Variants in PRMT8 observed in about 807,000 individuals in gnomAD.
The protein encoded by PRMT8 is protein arginine N-methyltransferase 8.
A neutral mutation model predicts 47.1 loss-of-function variants in PRMT8; 7 were observed. The observed-to-expected ratio is 0.15, with a 90% confidence interval of 0.08 to 0.28. The LOEUF is 0.28. Among genes scored for constraint, PRMT8 ranks in the 10% least tolerant of loss-of-function variants. The pLI, the probability that PRMT8 is intolerant of heterozygous loss-of-function variation, is 1.00. For missense variants in PRMT8, 237 were observed against 505.4 expected, an observed-to-expected ratio of 0.47 and a Z score of 5.09; for synonymous variants, 188 against 186.5, an observed-to-expected ratio of 1.01 and a Z score of -0.07.
intron 1 of PRMT8, among the ~76,000 whole-genome samples, chr12:3,401,147 C>CAAAAAAA (rs34492092): frequency 1.7e-4 from 8 of 45,996 alleles, no homozygotes; most frequent in Non-Finnish European, 2.0e-4. Flanking sequence ...AACTCCATCT[C>CAAAAAAA]AAAAAAAAAA....
chr12:3,477,361 C>A (rs1045579438), intron 1 of PRMT8, among the ~76,000 whole-genome samples: 1 of 152,198 alleles, frequency 6.6e-6, no homozygotes, highest in Non-Finnish European at 1.5e-5. Context: ...CATGGCCTGT[C>A]CTTTGGAGCT....
intron 1 of PRMT8, among the ~76,000 whole-genome samples, chr12:3,471,385 G>A (rs1865161165): frequency 6.6e-6 from 1 of 152,090 alleles, no homozygotes; most frequent in Non-Finnish European, 1.5e-5. Context: ...GTTACTGTCA[G>A]CAATGGGGAT....
At chr12:3,592,170 C>G in intron 8 of PRMT8, 61 bp from the exon 9 acceptor site, 1 of 1,507,886 alleles carries the variant, frequency 6.6e-7, no homozygotes, top group Admixed American at 2.5e-5. Context: ...CCAGCCTCAT[C>G]CCTTTGGAGA....
chr12:3,516,319 A>T (rs965425079), intron 1 of PRMT8, among the ~76,000 whole-genome samples: 2 of 144,116 alleles, frequency 1.4e-5, no homozygotes, highest in Admixed American at 1.4e-4. Flanking sequence ...TAAGGGGTTC[A>T]TTCATTCATT....
At chr12:3,396,581 C>A (rs1382136719) in intron 1 of PRMT8, among the ~76,000 whole-genome samples, 1 of 152,250 alleles carries the variant, frequency 6.6e-6, no homozygotes, top group East Asian at 1.9e-4. Flanking sequence ...CCGAAAGATC[C>A]ACTGTTAGTC....
At chr12:3,505,173 A>T (rs1865600709) in intron 1 of PRMT8, among the ~76,000 whole-genome samples, 1 of 151,526 alleles carries the variant, frequency 6.6e-6, no homozygotes, top group Non-Finnish European at 1.5e-5. Flanking sequence ...TGCGTTGCTC[A>T]CGCTGGGAGC....
chr12:3,543,560 A>G (rs1565436610), intron 2 of PRMT8, among the ~76,000 whole-genome samples: 2 of 152,204 alleles, frequency 1.3e-5, no homozygotes, highest in Non-Finnish European at 2.9e-5. Context: ...AATAGCCATC[A>G]GTGAGTGTTG....
chr12:3,486,994 G>A (rs1056044793), upstream of PRMT8, among the ~76,000 whole-genome samples: 1 of 152,224 alleles, frequency 6.6e-6, no homozygotes, highest in Admixed American at 6.5e-5. Context: ...TTGGGCCTTG[G>A]GTTAGGGAGG....
At chr12:3,452,007 C>T (rs1177636045) in intron 1 of PRMT8, among the ~76,000 whole-genome samples, 2 of 152,154 alleles carry the variant, frequency 1.3e-5, no homozygotes, top group Non-Finnish European at 2.9e-5. Context: ...GGATGAAAAA[C>T]GCCTCCCATG....
At position 3,576,714 on chromosome 12, in the gene PRMT8, A is replaced by G. The variant is rs539450928; in HGVS notation, c.713-157A>G. Among the ~76,000 whole-genome samples, 43 of 152,274 alleles carry G rather than the reference A, an allele frequency of 2.8e-4. No individual in the cohort carries two copies. The highest frequency in any genetic ancestry group is 1.0e-3 in the African/African-American group (42 of 41,574). ...TGGGAGTGAGCATTTGGCACATTGCAAAGTGCCCCCAGGTGAGCAGTTCTG... is the reference window on the plus strand; with the variant it reads ...TGGGAGTGAGCATTTGGCACATTGCGAAGTGCCCCCAGGTGAGCAGTTCTG... On this transcript the variant is annotated intron_variant, in intron 6 of 9. Coordinates refer to ENST00000382622, the MANE Select transcript of PRMT8 (RefSeq NM_019854.5). The surrounding 1 kb of genome is among the most constrained non-coding windows in gnomAD (Gnocchi z 4.0).
chr12:3,408,153 CTCTTTCTTTCTT>C (rs540640606), intron 1 of PRMT8, among the ~76,000 whole-genome samples: 1 of 150,280 alleles, frequency 6.7e-6, no homozygotes, highest in Non-Finnish European at 1.5e-5. Flanking sequence ...CCCTCTCTTT[CTCTTTCTTTCTT>C]TCTTTCTTTC....
intron 1 of PRMT8, among the ~76,000 whole-genome samples, chr12:3,472,043 T>C (rs1865167515): frequency 6.6e-6 from 1 of 152,130 alleles, no homozygotes; most frequent in South Asian, 2.1e-4. Flanking sequence ...TTGAAAAGAT[T>C]CCCAAGGCTT....
At chr12:3,577,895 C>T (rs1304422299) in intron 7 of PRMT8, among the ~76,000 whole-genome samples, 2 of 152,176 alleles carry the variant, frequency 1.3e-5, no homozygotes, top group African/African-American at 4.8e-5. Context: ...AAAATTCAAA[C>T]ATGTCCAGTT....
At chr12:3,530,047 C>G (rs888960915) in intron 1 of PRMT8, among the ~76,000 whole-genome samples, 5 of 152,174 alleles carry the variant, frequency 3.3e-5, no homozygotes, top group African/African-American at 1.2e-4. Context: ...TGTTCTTCTC[C>G]TAGAAATCTC....
intron 4 of PRMT8, 117 bp downstream of exon 4, chr12:3,553,831 A>C (rs1591599400): frequency 3.1e-6 from 3 of 967,672 alleles, no homozygotes; most frequent in Non-Finnish European, 4.8e-6. Flanking sequence ...GAGGTGGTGC[A>C]CCCAGCTGAG....
chr12:3,398,416 A>G (rs1192463837), intron 1 of PRMT8, among the ~76,000 whole-genome samples: 1 of 152,220 alleles, frequency 6.6e-6, no homozygotes, highest in African/African-American at 2.4e-5. Context: ...GCTACAACAC[A>G]GCACTGTTTA....
chr12:3,578,233 T>TA (rs1866984919), intron 7 of PRMT8, among the ~76,000 whole-genome samples: 1 of 152,130 alleles, frequency 6.6e-6, no homozygotes, highest in Non-Finnish European at 1.5e-5. Context: ...ACAAGCTATT[T>TA]TTTTTTTGAG....
In PRMT8 at chr12:3,557,694, T is replaced by G. The variant is rs1237255220; in HGVS notation, c.481+3980T>G. Among the ~76,000 whole-genome samples, 1 of 152,144 alleles carries G rather than the reference T, an allele frequency of 6.6e-6. No homozygotes were observed. Among genetic ancestry groups the G allele is most frequent in the Non-Finnish European group, 1.5e-5 (1 of 68,010 alleles). On this transcript the variant is annotated intron_variant, in intron 4 of 9. Transcript: ENST00000382622. The surrounding 1 kb of genome is among the most constrained non-coding windows in gnomAD (Gnocchi z 4.7). ...CAACCTGTGAAATAGGGCAGATGGT[T>G]TTCCCCATTAACAGGTGTGGAAACT...
At chr12:3,475,597 A>G (rs1865204538) in intron 1 of PRMT8, among the ~76,000 whole-genome samples, 2 of 152,048 alleles carry the variant, frequency 1.3e-5, no homozygotes, top group South Asian at 4.1e-4. Flanking sequence ...GAACGCTACC[A>G]CCTCCTGAGT....
Sources: gnomAD v4.1 joint callset for allele counts (sites outside exome capture counted in the v4.1 genomes callset) on GRCh38, gnomAD v4.1.1 for gene constraint, Gnocchi (gnomAD v3.1) non-coding constraint, MANE v1.5 for transcripts, NCBI Gene and HGNC (gene_info 2026-07-23, HGNC 2026-07-21) for gene names.